Variants in ITM2B observed in about 807,000 individuals in gnomAD.
ITM2B encodes ABri/ADan amyloid peptide.
Under a neutral mutation model 27.8 loss-of-function variants are expected in ITM2B, and 11 were observed. The ratio of observed to expected loss-of-function variants is 0.40; its 90% CI spans 0.25 to 0.66. The LOEUF is 0.66. ITM2B is among the 30% of genes least tolerant of loss of function. ITM2B has a pLI of 0.43. For synonymous variants in ITM2B, 114 were observed against 114.3 expected (o/e 1.00, Z 0.02); for missense variants, 296 against 328.9 (o/e 0.90, Z 0.77).
intron 1 of ITM2B, among the ~76,000 whole-genome samples, chr13:48,250,196 T>A (rs1406746615): frequency 6.6e-6 from 1 of 152,248 alleles, no homozygotes; most frequent in Non-Finnish European, 1.5e-5. Context: ...CTACTGCTCT[T>A]GCTAAATAGC....
chr13:48,238,303 TTGAA>T (rs1951680332), intron 1 of ITM2B, among the ~76,000 whole-genome samples: 1 of 152,206 alleles, frequency 6.6e-6, no homozygotes, highest in Admixed American at 6.5e-5. Flanking sequence ...TTATCAACAA[TTGAA>T]TGAACAAGAT....
chr13:48,238,002 G>A (rs1951678293), intron 1 of ITM2B, among the ~76,000 whole-genome samples: 1 of 152,142 alleles, frequency 6.6e-6, no homozygotes. Flanking sequence ...AAGAAATTAA[G>A]GACTTTAGAC....
intron 1 of ITM2B, among the ~76,000 whole-genome samples, chr13:48,239,928 A>T (rs1326768341): frequency 6.6e-6 from 1 of 152,134 alleles, no homozygotes; most frequent in Non-Finnish European, 1.5e-5. Flanking sequence ...CAAAGGAATG[A>T]TATTTCTCCT....
chr13:48,248,796 G>A (rs924217621), intron 1 of ITM2B, among the ~76,000 whole-genome samples: 2 of 152,184 alleles, frequency 1.3e-5, no homozygotes, highest in African/African-American at 2.4e-5. Context: ...GGCCACACAC[G>A]GCCATGGGCC....
chr13:48,250,957 C>T (rs753120633), intron 1 of ITM2B, among the ~76,000 whole-genome samples: 11 of 152,288 alleles, frequency 7.2e-5, no homozygotes, highest in East Asian at 1.9e-4. Flanking sequence ...CCACGTTTCA[C>T]GTTGTTGAGG....
In ITM2B at chr13:48,262,387, C is replaced by T. The variant is rs1951827926; in HGVS notation, c.*1163C>T. ...AGGTCAGAGTTTTTAAAGCTTCCAA[C>T]TCTTAAAGGATTTAGTCTAGAAACC... On this transcript the variant is annotated 3_prime_UTR_variant, in exon 6 of 6. Coordinates refer to ENST00000647800, the MANE Select transcript of ITM2B (RefSeq NM_021999.5). 6.6e-6 allele frequency: 1 copy of T among 152,106 alleles called. No individual in the cohort carries two copies. The highest frequency in any genetic ancestry group is 1.5e-5 in the Non-Finnish European group (1 of 68,016). The allele number at this position is 152,106 out of a possible 1,614,324, so 9.4% of individuals were successfully genotyped here. A position where few individuals can be genotyped will look rare whatever the true frequency, so the allele number is the denominator to read the frequency against.
chr13:48,245,021 T>A (rs1337003992), intron 1 of ITM2B, among the ~76,000 whole-genome samples: 1 of 152,180 alleles, frequency 6.6e-6, no homozygotes, highest in Non-Finnish European at 1.5e-5. Context: ...CTGCTAAAAT[T>A]TCACTTTATA....
chr13:48,235,070 C>T (rs1951659936), intron 1 of ITM2B, among the ~76,000 whole-genome samples: 1 of 152,092 alleles, frequency 6.6e-6, no homozygotes, highest in African/African-American at 2.4e-5. Context: ...TAACTGCTCC[C>T]ATTTAGAAAG....
intron 1 of ITM2B, among the ~76,000 whole-genome samples, chr13:48,246,076 C>A (rs1485934437): frequency 1.3e-5 from 2 of 152,212 alleles, no homozygotes; most frequent in African/African-American, 4.8e-5. Flanking sequence ...CTGCACCCAG[C>A]CTAAGTTCTC....
intron 1 of ITM2B, among the ~76,000 whole-genome samples, chr13:48,248,598 G>C (rs1951736456): frequency 6.6e-6 from 1 of 152,114 alleles, no homozygotes; most frequent in Non-Finnish European, 1.5e-5. Context: ...TAGGTCATAA[G>C]ATAAATGTAT....
At chr13:48,250,019 G>C (rs938579137) in intron 1 of ITM2B, among the ~76,000 whole-genome samples, 3 of 152,100 alleles carry the variant, frequency 2.0e-5, no homozygotes, top group Admixed American at 2.0e-4. Context: ...CCTTCTCCAT[G>C]ACTCGGATTG....
chr13:48,233,358 G>T lies in ITM2B; in HGVS notation c.-3G>T, dbSNP rs780316156. On this transcript the variant is annotated 5_prime_UTR_variant, in exon 1 of 6. Coordinates refer to ENST00000647800, the MANE Select transcript of ITM2B (RefSeq NM_021999.5). ...GCCCTTCGAGGGCGCCCCAGGCCGCGCCATGGTGAAGGTGACGTTCAACTC... is the reference window on the plus strand; with the variant it reads ...GCCCTTCGAGGGCGCCCCAGGCCGCTCCATGGTGAAGGTGACGTTCAACTC... 1 of 1,549,836 alleles carries T rather than the reference G, an allele frequency of 6.5e-7. No homozygotes were observed. Among genetic ancestry groups the T allele is most frequent in the South Asian group, 1.2e-5 (1 of 83,774 alleles).
At chr13:48,257,669 T>C (rs1273779292) in intron 3 of ITM2B, among the ~76,000 whole-genome samples, 1 of 152,232 alleles carries the variant, frequency 6.6e-6, no homozygotes, top group East Asian at 1.9e-4. Flanking sequence ...GAGACAGTCT[T>C]TCTCAACCAG....
At chr13:48,245,450 ATATT>A (rs781486235) in intron 1 of ITM2B, among the ~76,000 whole-genome samples, 2 of 152,144 alleles carry the variant, frequency 1.3e-5, no homozygotes, top group Non-Finnish European at 2.9e-5. Flanking sequence ...ATTCATATAA[ATATT>A]CTACTTTGCA....
intron 2 of ITM2B, 106 bp downstream of exon 2, chr13:48,254,042 C>G (rs1951771537): frequency 1.9e-6 from 2 of 1,077,528 alleles, no homozygotes; most frequent in Non-Finnish European, 2.8e-6. Context: ...TACTTTTTAT[C>G]TGTGACCTTC....
chr13:48,240,299 G>A (rs1005610499), intron 1 of ITM2B, among the ~76,000 whole-genome samples: 2 of 152,032 alleles, frequency 1.3e-5, no homozygotes, highest in African/African-American at 2.4e-5. Flanking sequence ...TCTGCCTCCC[G>A]GGTTCAAGTG....
At chr13:48,241,326 C>T (rs1274808706) in intron 1 of ITM2B, among the ~76,000 whole-genome samples, 1 of 152,194 alleles carries the variant, frequency 6.6e-6, no homozygotes, top group Non-Finnish European at 1.5e-5. Flanking sequence ...ATTCTCCTGC[C>T]TCAGTCTCCC....
chr13:48,252,628 T>C (rs1354631973), intron 1 of ITM2B, among the ~76,000 whole-genome samples: 1 of 152,214 alleles, frequency 6.6e-6, no homozygotes, highest in Non-Finnish European at 1.5e-5. Flanking sequence ...AAAGGTTGTG[T>C]AGTGCTGTTC....
intron 1 of ITM2B, among the ~76,000 whole-genome samples, chr13:48,251,925 T>G (rs1951758288): frequency 6.6e-6 from 1 of 152,252 alleles, no homozygotes; most frequent in Non-Finnish European, 1.5e-5. Context: ...CTTGTAGCTT[T>G]CTTTTCACAG....
Sources: allele counts gnomAD v4.1 joint callset (sites outside exome capture counted in the v4.1 genomes callset), GRCh38; gene constraint gnomAD v4.1.1; transcripts MANE v1.5; gene names NCBI Gene and HGNC (gene_info 2026-07-23, HGNC 2026-07-21).